ROBO2: variants seen among roughly 807,000 people sequenced by gnomAD.
The protein encoded by ROBO2 is roundabout guidance receptor 2, also known as roundabout homolog 2.
In ROBO2, 53 loss-of-function variants were observed where a neutral mutation model predicts 160.8. That is an observed-to-expected ratio of 0.33 (90% confidence interval 0.26 to 0.41). The LOEUF (loss-of-function observed/expected upper bound fraction) is 0.41. Among genes scored for constraint, ROBO2 ranks in the 10% least tolerant of loss-of-function variants. ROBO2 has a pLI of 1.00. For synonymous variants in ROBO2, 664 were observed against 611.7 expected, an observed-to-expected ratio of 1.09 and a Z score of -1.26; for missense variants, 1,577 against 1,722.4, an observed-to-expected ratio of 0.92 and a Z score of 1.49.
At chr3:76,327,832 A>G (rs1382639063) in intron 2 of ROBO2, among the ~76,000 whole-genome samples, 1 of 152,184 alleles carries the variant, frequency 6.6e-6, no homozygotes, top group Admixed American at 6.5e-5. Flanking sequence ...AAGAACATAT[A>G]GACAACGGTG....
chr3:76,746,992 T>A (rs2093904614), intron 2 of ROBO2, among the ~76,000 whole-genome samples: 3 of 152,272 alleles, frequency 2.0e-5, no homozygotes, highest in Middle Eastern at 6.8e-3. Context: ...TTGTTCCTTT[T>A]TATGGCTGCA....
chr3:76,308,952 G>A (rs1036321039), intron 2 of ROBO2, among the ~76,000 whole-genome samples: 22 of 152,220 alleles, frequency 1.4e-4, no homozygotes, highest in Admixed American at 1.0e-3. Context: ...ACCTTGTTCC[G>A]GCCAGACCTT....
chr3:76,993,490 G>A (rs1354039966), intron 2 of ROBO2, among the ~76,000 whole-genome samples: 1 of 152,058 alleles, frequency 6.6e-6, no homozygotes, highest in Non-Finnish European at 1.5e-5. Flanking sequence ...TTGATATAGT[G>A]CTTGAAATTC....
At chr3:76,797,596 A>G (rs145000690) in intron 2 of ROBO2, among the ~76,000 whole-genome samples, 163 of 152,064 alleles carry the variant, frequency 1.1e-3, no homozygotes, top group African/African-American at 3.6e-3. Context: ...TAGAAAAAAG[A>G]AAATCAAAAC....
At chr3:77,625,194 A>C (rs755315543) in intron 23 of ROBO2, among the ~76,000 whole-genome samples, 1 of 152,168 alleles carries the variant, frequency 6.6e-6, no homozygotes, top group Admixed American at 6.5e-5. Flanking sequence ...TCCATATCCC[A>C]TAATCTCAGT....
At chr3:76,051,604 T>G (rs2067655166) in intron 2 of ROBO2, among the ~76,000 whole-genome samples, 1 of 152,138 alleles carries the variant, frequency 6.6e-6, no homozygotes, top group Non-Finnish European at 1.5e-5. Context: ...ATTATTTTCA[T>G]GCAAATTGTG....
intron 2 of ROBO2, among the ~76,000 whole-genome samples, chr3:77,240,583 C>T (rs970420957): frequency 7.9e-5 from 12 of 152,290 alleles, no homozygotes; most frequent in Admixed American, 2.0e-4. Flanking sequence ...GAGCGGACAC[C>T]GTGGCCGAGG....
At chr3:76,420,803 G>A (rs904538096) in intron 2 of ROBO2, among the ~76,000 whole-genome samples, 2 of 152,130 alleles carry the variant, frequency 1.3e-5, no homozygotes, top group African/African-American at 4.8e-5. Context: ...AATTCTAACT[G>A]ATAGAAGCTA....
intron 2 of ROBO2, among the ~76,000 whole-genome samples, chr3:76,148,624 C>T (rs942866567): frequency 6.6e-6 from 1 of 152,070 alleles, no homozygotes; most frequent in Admixed American, 6.6e-5. Flanking sequence ...GAACCTCCAT[C>T]TTGCCAAGTC....
chr3:76,537,296 T>A (rs1340072469), intron 2 of ROBO2, among the ~76,000 whole-genome samples: 1 of 152,064 alleles, frequency 6.6e-6, no homozygotes, highest in African/African-American at 2.4e-5. Context: ...TCGACAAAAA[T>A]TATCTAAGTC....
chr3:76,389,120 G>A (rs1375875210), intron 2 of ROBO2, among the ~76,000 whole-genome samples: 13 of 152,174 alleles, frequency 8.5e-5, no homozygotes. Flanking sequence ...ATTTCATTCA[G>A]CTTTTGTACC....
At chr3:77,381,444 G>A (rs543760183) in intron 2 of ROBO2, among the ~76,000 whole-genome samples, 2 of 152,250 alleles carry the variant, frequency 1.3e-5, no homozygotes, top group Admixed American at 6.5e-5. Context: ...AGTCTCTTGA[G>A]CCTAGCTTAG....
At chr3:77,128,666 G>A (rs947108029) in intron 2 of ROBO2, among the ~76,000 whole-genome samples, 2 of 152,162 alleles carry the variant, frequency 1.3e-5, no homozygotes, top group African/African-American at 2.4e-5. Context: ...ATTTAATGGT[G>A]GACCTTTCAT....
At chr3:76,485,951 A>G (rs1337153960) in intron 2 of ROBO2, among the ~76,000 whole-genome samples, 1 of 152,232 alleles carries the variant, frequency 6.6e-6, no homozygotes, top group East Asian at 1.9e-4. Flanking sequence ...TGGAAGAAAG[A>G]AAATGAAAGA....
At chr3:77,475,302 T>C (rs1447084011) in intron 2 of ROBO2, among the ~76,000 whole-genome samples, 1 of 152,192 alleles carries the variant, frequency 6.6e-6, no homozygotes, top group Non-Finnish European at 1.5e-5. Flanking sequence ...CATTTGCAAA[T>C]TGGAGTCATT....
chr3:76,128,592 A>G (rs1230975849), intron 2 of ROBO2, among the ~76,000 whole-genome samples: 1 of 150,046 alleles, frequency 6.7e-6, no homozygotes, highest in African/African-American at 2.4e-5. Flanking sequence ...CTTTCCCTGA[A>G]GGATAGGTTA....
chr3:76,959,593 T>C (rs1264148281), intron 2 of ROBO2, among the ~76,000 whole-genome samples: 3 of 152,152 alleles, frequency 2.0e-5, no homozygotes, highest in Non-Finnish European at 4.4e-5. Flanking sequence ...CAAATACACA[T>C]TTTCAAGGAT....
chr3:77,569,028 T>C lies in ROBO2; in HGVS notation c.1971+594T>C, dbSNP rs577176797. Among the ~76,000 whole-genome samples the C allele has an allele frequency of 3.0e-3, 463 of 152,188 alleles. 4 individuals are homozygous for C. The highest frequency in any genetic ancestry group is 5.5e-3 in the Non-Finnish European group (374 of 67,976). ...ATCAAATAGTATTCCATTTTATGGA[T>C]ACTTCACATTCTGTTTATTCCTTCT... is the stretch of plus-strand genomic sequence containing the variant. On this transcript the variant is annotated intron_variant, in intron 13 of 25. Coordinates refer to ENST00000461745, the Ensembl canonical transcript of ROBO2.
chr3:76,857,523 G>A (rs1312286159), intron 2 of ROBO2, among the ~76,000 whole-genome samples: 1 of 152,124 alleles, frequency 6.6e-6, no homozygotes, highest in East Asian at 1.9e-4. Flanking sequence ...CGATTTGTGT[G>A]TTTTTTCGAA....
Sources: allele counts gnomAD v4.1 joint callset (sites outside exome capture counted in the v4.1 genomes callset), GRCh38; gene constraint gnomAD v4.1.1; transcripts MANE v1.5; gene names NCBI Gene and HGNC (gene_info 2026-07-23, HGNC 2026-07-21).